Variants in CPA6 observed in about 807,000 individuals in gnomAD.
CPA6 encodes carboxypeptidase A6.
A neutral mutation model predicts 63.3 loss-of-function variants in CPA6; 58 were observed. The ratio of observed to expected loss-of-function variants is 0.92; its 90% confidence interval spans 0.74 to 1.14. The LOEUF is 1.14. Among genes scored for constraint, CPA6 ranks in the 50% most tolerant of loss-of-function variants. CPA6 has a pLI of 0.00. For synonymous variants in CPA6, 185 were observed against 179.0 expected, an observed-to-expected ratio of 1.03 and a Z score of -0.27; for missense variants, 565 against 526.6, an observed-to-expected ratio of 1.07 and a Z score of -0.71.
chr8:67,497,984 G>A (rs1178468841), intron 6 of CPA6, among the ~76,000 whole-genome samples: 1 of 152,000 alleles, frequency 6.6e-6, no homozygotes, highest in Non-Finnish European at 1.5e-5. Flanking sequence ...TAATTTTCAA[G>A]TCCATTACTT....
intron 1 of CPA6, among the ~76,000 whole-genome samples, chr8:67,664,750 C>G (rs1038724469): frequency 1.3e-5 from 2 of 152,040 alleles, no homozygotes; most frequent in African/African-American, 4.8e-5. Context: ...GGATGGGGTT[C>G]AAGTGGAGAA....
chr8:67,567,541 A>G (rs1265937095), intron 2 of CPA6, among the ~76,000 whole-genome samples: 1 of 152,214 alleles, frequency 6.6e-6, no homozygotes, highest in Non-Finnish European at 1.5e-5. Context: ...GTGGTGGAAA[A>G]GGAAGTCTTG....
At chr8:67,437,588 A>G (rs1181490492) in intron 8 of CPA6, among the ~76,000 whole-genome samples, 6 of 152,178 alleles carry the variant, frequency 3.9e-5, no homozygotes, top group Non-Finnish European at 7.3e-5. Context: ...ATCCTAACAA[A>G]TATTCTCAAG....
chr8:67,700,124 G>A (rs1386667769), intron 1 of CPA6, among the ~76,000 whole-genome samples: 2 of 152,074 alleles, frequency 1.3e-5, no homozygotes, highest in South Asian at 2.1e-4. Context: ...AAGCAACATC[G>A]TTTTAGTCTG....
intron 1 of CPA6, among the ~76,000 whole-genome samples, chr8:67,726,705 G>A (rs1414624644): frequency 3.3e-5 from 5 of 152,312 alleles, no homozygotes; most frequent in Non-Finnish European, 2.9e-5. Flanking sequence ...TTACTTAAAT[G>A]CATATATCAG....
intron 1 of CPA6, among the ~76,000 whole-genome samples, chr8:67,647,785 C>G (rs527673281): frequency 6.6e-6 from 1 of 152,170 alleles, no homozygotes; most frequent in African/African-American, 2.4e-5. Context: ...CCTGGAGAGA[C>G]TTTTGTCACA....
intron 2 of CPA6, among the ~76,000 whole-genome samples, chr8:67,579,314 G>A (rs1813706862): frequency 6.6e-6 from 1 of 152,182 alleles, no homozygotes; most frequent in South Asian, 2.1e-4. Context: ...TTGGGAGGCT[G>A]AGGCAAGAGA....
At chr8:67,663,663 G>A (rs1012588266) in intron 1 of CPA6, among the ~76,000 whole-genome samples, 1 of 152,084 alleles carries the variant, frequency 6.6e-6, no homozygotes, top group Non-Finnish European at 1.5e-5. Context: ...GGGGATAATG[G>A]CTTCCAGCTC....
intron 2 of CPA6, among the ~76,000 whole-genome samples, chr8:67,616,423 CTA>C (rs1192507983): frequency 1.3e-5 from 2 of 150,972 alleles, no homozygotes; most frequent in East Asian, 3.9e-4. Flanking sequence ...AGGGCCAGAA[CTA>C]TAGAAGTGGC....
chr8:67,430,177 ATTT>A (rs1563949128), intron 9 of CPA6, among the ~76,000 whole-genome samples: 6 of 113,754 alleles, frequency 5.3e-5, no homozygotes, highest in African/African-American at 2.6e-4. Flanking sequence ...GTGTGTATAT[ATTT>A]TGTTTTTTTT....
chr8:67,700,659 C>T (rs1817005235), intron 1 of CPA6, among the ~76,000 whole-genome samples: 1 of 152,158 alleles, frequency 6.6e-6, no homozygotes, highest in Admixed American at 6.5e-5. Flanking sequence ...CTTCCAGCAA[C>T]TTTGGTTGAG....
intron 1 of CPA6, among the ~76,000 whole-genome samples, chr8:67,691,545 C>A (rs187689355): frequency 3.3e-5 from 5 of 152,274 alleles, no homozygotes; most frequent in African/African-American, 1.2e-4. Flanking sequence ...TAGCCTGGAT[C>A]CCTGAGTGTT....
At chr8:67,481,757 C>T (rs1442264611) in intron 8 of CPA6, among the ~76,000 whole-genome samples, 1 of 152,148 alleles carries the variant, frequency 6.6e-6, no homozygotes, top group Admixed American at 6.5e-5. Flanking sequence ...CAGAGTGATT[C>T]CCACATTGTA....
At chr8:67,527,179 C>G (rs1420368933) in intron 2 of CPA6, among the ~76,000 whole-genome samples, 3 of 152,184 alleles carry the variant, frequency 2.0e-5, no homozygotes, top group Non-Finnish European at 2.9e-5. Context: ...CTGATGACCT[C>G]TCCATGATAT....
chr8:67,526,548 A>T (rs1460952474), intron 2 of CPA6, among the ~76,000 whole-genome samples: 1 of 152,146 alleles, frequency 6.6e-6, no homozygotes, highest in East Asian at 1.9e-4. Flanking sequence ...CAAAGTTCAG[A>T]TGTTAATGCC....
intron 1 of CPA6, among the ~76,000 whole-genome samples, chr8:67,741,593 A>T (rs568589750): frequency 6.6e-6 from 1 of 152,246 alleles, no homozygotes; most frequent in Admixed American, 6.5e-5. Context: ...CCTCCTGTCG[A>T]TCATCAGTAG....
At chr8:67,499,147 A>G (rs1321778057) in intron 6 of CPA6, among the ~76,000 whole-genome samples, 1 of 152,202 alleles carries the variant, frequency 6.6e-6, no homozygotes. Context: ...ACATCCACAG[A>G]TCACTCTACT....
At chr8:67,674,692 G>C (rs1425257044) in intron 1 of CPA6, among the ~76,000 whole-genome samples, 1 of 152,076 alleles carries the variant, frequency 6.6e-6, no homozygotes, top group Non-Finnish European at 1.5e-5. Flanking sequence ...AAGGAAAATA[G>C]ATCATTATGC....
intron 8 of CPA6, among the ~76,000 whole-genome samples, chr8:67,475,823 T>TTTCTTTCTTTCTTTCTTTCTCTTTTC (rs1554666526): frequency 4.3e-5 from 2 of 45,988 alleles, no homozygotes; most frequent in South Asian, 7.6e-4. Context: ...CTTTCCTTTC[T>TTTCTTTCTTTCTTTCTTTCTCTTTTC]TTTCTTTCTT....
Sources: gnomAD v4.1 joint callset for allele counts (sites outside exome capture counted in the v4.1 genomes callset) on GRCh38, gnomAD v4.1.1 for gene constraint, MANE v1.5 for transcripts, NCBI Gene and HGNC (gene_info 2026-07-23, HGNC 2026-07-21) for gene names.